The following GHR variants were observed in gnomAD, a reference collection of about 807,000 sequenced individuals.
GHR encodes GH receptor.
In GHR, 35 loss-of-function variants were observed where a neutral mutation model predicts 67.1. The ratio of observed to expected loss-of-function variants is 0.52; its 90% CI spans 0.40 to 0.69. The LOEUF (loss-of-function observed/expected upper bound fraction) is 0.69, where lower values mean the gene tolerates loss of function less well. Among genes scored for constraint, GHR ranks in the 30% least tolerant of loss-of-function variants. The pLI is 0.00. For synonymous variants in GHR, 272 were observed against 269.1 expected, an observed-to-expected ratio of 1.01 and a Z score of -0.10; for missense variants, 792 against 764.6, an observed-to-expected ratio of 1.04 and a Z score of -0.42.
chr5:42,524,800 G>T (rs2112317902), intron 1 of GHR, among the ~76,000 whole-genome samples: 1 of 152,308 alleles, frequency 6.6e-6, no homozygotes, highest in Non-Finnish European at 1.5e-5. Flanking sequence ...ACCTGCTCCA[G>T]CTGTGGCTGA....
chr5:42,632,690 C>A (rs775363656), intron 3 of GHR, among the ~76,000 whole-genome samples: 2 of 140,794 alleles, frequency 1.4e-5, no homozygotes, highest in Non-Finnish European at 3.1e-5. Context: ...CCCAAAAGGA[C>A]CTTTCAGTTC....
intron 1 of GHR, among the ~76,000 whole-genome samples, chr5:42,482,706 G>T (rs1745704563): frequency 6.6e-6 from 1 of 152,218 alleles, no homozygotes; most frequent in Non-Finnish European, 1.5e-5. Flanking sequence ...ATCTCCTGGT[G>T]TGCCATTTTT....
intron 3 of GHR, among the ~76,000 whole-genome samples, chr5:42,631,254 C>G (rs555169462): frequency 6.6e-6 from 1 of 152,142 alleles, no homozygotes; most frequent in Non-Finnish European, 1.5e-5. Context: ...CTTCATGATA[C>G]GTAAGACGAC....
intron 3 of GHR, among the ~76,000 whole-genome samples, chr5:42,678,778 G>GT (rs144403939): frequency 0.011 from 1,719 of 151,916 alleles, 41 homozygotes; most frequent in African/African-American, 0.04. Flanking sequence ...GTAGTGACCT[G>GT]TATTAGTAAA....
rs912655862 is a variant in GHR, at chr5:42,721,373, G to A, written c.*1949G>A. On this transcript the variant is annotated 3_prime_UTR_variant, in exon 10 of 10. Transcript: ENST00000230882. ...ACTTAAATAGTATTTCCCATTTATC[G>A]CAGACCTTTTTTAGGAAGCAAGCTT... is the stretch of plus-strand genomic sequence containing the variant. 4 of 152,050 alleles carry A rather than the reference G, an allele frequency of 2.6e-5. No homozygotes were observed. Among genetic ancestry groups the A allele is most frequent in the African/African-American group, 7.2e-5 (3 of 41,386 alleles). The allele number at this position is 152,050 out of a possible 1,614,324, so 9.4% of individuals were successfully genotyped here.
intron 2 of GHR, among the ~76,000 whole-genome samples, chr5:42,611,306 G>C (rs916982592): frequency 1.3e-5 from 2 of 151,938 alleles, no homozygotes; most frequent in Admixed American, 6.6e-5. Flanking sequence ...AATTTCCTTA[G>C]CCTGAAGTTT....
intron 1 of GHR, among the ~76,000 whole-genome samples, chr5:42,474,329 G>GAAAGAAAGA (rs1745190112): frequency 6.8e-6 from 1 of 146,422 alleles, no homozygotes; most frequent in Non-Finnish European, 1.5e-5. Flanking sequence ...AAGAAAGAAA[G>GAAAGAAAGA]AAAGAAAGAA....
intron 6 of GHR, among the ~76,000 whole-genome samples, chr5:42,709,826 G>A (rs1177769550): frequency 6.6e-6 from 1 of 152,086 alleles, no homozygotes; most frequent in Non-Finnish European, 1.5e-5. Context: ...CCCCGCACAG[G>A]CAGATGACAG....
At chr5:42,557,838 C>T (rs1749395836) in intron 1 of GHR, among the ~76,000 whole-genome samples, 1 of 152,184 alleles carries the variant, frequency 6.6e-6, no homozygotes, top group Non-Finnish European at 1.5e-5. Context: ...GTTTACTCAA[C>T]AGTACTGTCT....
chr5:42,555,859 C>T (rs1192768713), intron 1 of GHR, among the ~76,000 whole-genome samples: 1 of 152,126 alleles, frequency 6.6e-6, no homozygotes, highest in Non-Finnish European at 1.5e-5. Context: ...CAATGAAAGG[C>T]AGCTATTATT....
chr5:42,570,921 T>G (rs981718963), intron 2 of GHR, among the ~76,000 whole-genome samples: 22 of 152,198 alleles, frequency 1.4e-4, no homozygotes, highest in Admixed American at 3.9e-4. Flanking sequence ...AGGAGAGAGA[T>G]AATCTAAGTG....
chr5:42,689,165 A>G, intron 4 of GHR, 146 bp downstream of exon 4: 1 of 819,100 alleles, frequency 1.2e-6, no homozygotes, highest in East Asian at 2.5e-5. Flanking sequence ...TGAAAAAAAT[A>G]TTAATCAAGC....
chr5:42,502,676 C>T (rs1746588831), intron 1 of GHR, among the ~76,000 whole-genome samples: 1 of 151,836 alleles, frequency 6.6e-6, no homozygotes, highest in East Asian at 1.9e-4. Flanking sequence ...GGACCAAAGT[C>T]ATCCTGTTGG....
intron 3 of GHR, among the ~76,000 whole-genome samples, chr5:42,636,280 A>T (rs969882361): frequency 6.6e-6 from 1 of 151,846 alleles, no homozygotes; most frequent in African/African-American, 2.4e-5. Context: ...AATTTTCAGT[A>T]TGCCTATGTA....
Position 42,468,269 on chromosome 5 carries a change from C to G in GHR, c.-12+44314C>G, listed in dbSNP as rs146554454. 1.6e-5 allele frequency: 25 copies of G among 1,564,760 alleles called. No individual in the cohort carries two copies. The African/African-American group carries it at 3.2e-4, about 20-fold the overall frequency. On this transcript the variant is annotated intron_variant, in intron 1 of 9. Coordinates refer to ENST00000230882, the MANE Select transcript of GHR (RefSeq NM_000163.5). ...TCTTCTTCCTCCTCCTCCTTTTTCA[C>G]CTTCACTGGGCGGCATGGGCCTAGG...
At chr5:42,692,577 G>C (rs191416064) in intron 4 of GHR, among the ~76,000 whole-genome samples, 230 of 152,274 alleles carry the variant, frequency 1.5e-3, no homozygotes, top group Middle Eastern at 3.4e-3. Context: ...TGAAGAAAGA[G>C]GTTGGAAGTA....
At chr5:42,622,041 T>C (rs1401415568) in intron 2 of GHR, among the ~76,000 whole-genome samples, 1 of 152,134 alleles carries the variant, frequency 6.6e-6, no homozygotes, top group Non-Finnish European at 1.5e-5. Context: ...AGCTTAGAAA[T>C]GTCACTGCAC....
chr5:42,500,725 A>G (rs138991736), intron 1 of GHR, among the ~76,000 whole-genome samples: 189 of 152,344 alleles, frequency 1.2e-3, no homozygotes, highest in African/African-American at 4.1e-3. Context: ...ATCACTTACT[A>G]GCTGGCCTAC....
intron 3 of GHR, among the ~76,000 whole-genome samples, chr5:42,645,744 C>T (rs4413537): frequency 0.15 from 23,482 of 152,154 alleles, 1,978 homozygotes; most frequent in African/African-American, 0.16. Context: ...GTAATATAGT[C>T]GTTCAAGCTC....
Sources: allele counts gnomAD v4.1 joint callset (sites outside exome capture counted in the v4.1 genomes callset), GRCh38; gene constraint gnomAD v4.1.1; transcripts MANE v1.5; gene names NCBI Gene and HGNC (gene_info 2026-07-23, HGNC 2026-07-21).